RGL1: variants seen among roughly 807,000 people sequenced by gnomAD.
RGL1 encodes ral guanine nucleotide dissociation stimulator-like 1.
A neutral mutation model predicts 95.2 loss-of-function variants in RGL1; 24 were observed. That is an observed-to-expected ratio of 0.25 (90% CI 0.18 to 0.35). The LOEUF (loss-of-function observed/expected upper bound fraction) is 0.35, where lower values mean the gene tolerates loss of function less well. RGL1 is among the 10% of genes least tolerant of loss of function. The pLI, the probability that RGL1 is intolerant of heterozygous loss-of-function variation, is 1.00. For missense variants in RGL1, 715 were observed against 936.3 expected (o/e 0.76, Z 3.08); for synonymous variants, 329 against 344.9 (o/e 0.95, Z 0.51).
intron 1 of RGL1, among the ~76,000 whole-genome samples, chr1:183,719,623 A>G (rs1655866575): frequency 6.6e-6 from 1 of 152,180 alleles, no homozygotes; most frequent in Non-Finnish European, 1.5e-5. Context: ...AAAAAATTAA[A>G]GGCCAGGTGC....
At chr1:183,698,104 AT>A (rs1244865876) in intron 1 of RGL1, among the ~76,000 whole-genome samples, 1 of 151,958 alleles carries the variant, frequency 6.6e-6, no homozygotes, top group African/African-American at 2.4e-5. Context: ...AATTTTGTTT[AT>A]TTTTTTCAAC....
chr1:183,785,556 A>T (rs1374150245), intron 2 of RGL1, among the ~76,000 whole-genome samples: 4 of 152,126 alleles, frequency 2.6e-5, no homozygotes, highest in African/African-American at 7.2e-5. Context: ...TGAAAATAGG[A>T]ACTCTGTATT....
At chr1:183,673,529 T>C (rs1652616860) in intron 1 of RGL1, among the ~76,000 whole-genome samples, 1 of 152,230 alleles carries the variant, frequency 6.6e-6, no homozygotes, top group African/African-American at 2.4e-5. Context: ...ACTTCTTGAT[T>C]ACCAATATTA....
chr1:183,692,004 G>T (rs190404194), intron 1 of RGL1, among the ~76,000 whole-genome samples: 46 of 150,810 alleles, frequency 3.1e-4, no homozygotes, highest in African/African-American at 1.0e-3. Context: ...ATTGAATCTG[G>T]TAACATATAT....
chr1:183,818,360 T>A (rs987955250), intron 2 of RGL1, among the ~76,000 whole-genome samples: 4 of 152,222 alleles, frequency 2.6e-5, no homozygotes, highest in Admixed American at 6.5e-5. Flanking sequence ...AAGTTCACAT[T>A]TATGTGCAGC....
intron 3 of RGL1, among the ~76,000 whole-genome samples, chr1:183,851,858 T>G (rs1664843227): frequency 6.6e-6 from 1 of 152,216 alleles, no homozygotes. Flanking sequence ...CTTAAATTGG[T>G]TGTTGAGACT....
chr1:183,698,897 T>G (rs547035590), intron 1 of RGL1, among the ~76,000 whole-genome samples: 23 of 152,372 alleles, frequency 1.5e-4, no homozygotes, highest in African/African-American at 5.1e-4. Flanking sequence ...TTTAAATATC[T>G]CCCTCTGTTT....
chr1:183,670,679 A>G (rs142332219), intron 1 of RGL1, among the ~76,000 whole-genome samples: 1,583 of 152,296 alleles, frequency 0.01, 32 homozygotes, highest in African/African-American at 0.036. Flanking sequence ...GGTTTGTCCT[A>G]TAACTCTACT....
At chr1:183,784,821 C>T (rs1415674073) in intron 2 of RGL1, among the ~76,000 whole-genome samples, 4 of 152,198 alleles carry the variant, frequency 2.6e-5, no homozygotes, top group Admixed American at 6.5e-5. Context: ...GTAAAAGGAA[C>T]CAGAGTTAAG....
intron 1 of RGL1, among the ~76,000 whole-genome samples, chr1:183,661,136 C>A (rs866493718): frequency 0.013 from 1,946 of 152,092 alleles, 49 homozygotes; most frequent in African/African-American, 0.045. Context: ...CCTAACATCA[C>A]AATTAAAAGA....
intron 2 of RGL1, among the ~76,000 whole-genome samples, chr1:183,764,125 T>C (rs1476689289): frequency 6.6e-6 from 1 of 152,188 alleles, no homozygotes; most frequent in East Asian, 1.9e-4. Flanking sequence ...GGGTGTATTA[T>C]TACCACAACA....
chr1:183,686,671 C>A (rs545871017), intron 1 of RGL1, among the ~76,000 whole-genome samples: 8 of 152,226 alleles, frequency 5.3e-5, no homozygotes, highest in African/African-American at 1.9e-4. Flanking sequence ...TGACTAGCCA[C>A]GATTTAAATC....
intron 1 of RGL1, among the ~76,000 whole-genome samples, chr1:183,722,958 T>A (rs1360031826): frequency 6.6e-6 from 1 of 152,190 alleles, no homozygotes; most frequent in Non-Finnish European, 1.5e-5. Flanking sequence ...AACAGTAGAC[T>A]GCTTAAAACA....
intron 2 of RGL1, among the ~76,000 whole-genome samples, chr1:183,827,488 C>T (rs1662948667): frequency 6.6e-6 from 1 of 152,204 alleles, no homozygotes; most frequent in Non-Finnish European, 1.5e-5. Flanking sequence ...CGTCAGTGGC[C>T]TGTTTGTTAC....
intron 2 of RGL1, among the ~76,000 whole-genome samples, chr1:183,841,319 C>G (rs1024378974): frequency 6.6e-6 from 1 of 152,140 alleles, no homozygotes; most frequent in Non-Finnish European, 1.5e-5. Context: ...ATGGGACATA[C>G]TTATACCACA....
intron 3 of RGL1, among the ~76,000 whole-genome samples, chr1:183,852,809 AATC>A (rs75801657): frequency 0.13 from 20,134 of 152,056 alleles, 1,745 homozygotes; most frequent in Middle Eastern, 0.23. Flanking sequence ...TCTCAAAAAA[AATC>A]ATCTGTTCTC....
chr1:183,898,161 T>C (rs1045747581), intron 10 of RGL1, among the ~76,000 whole-genome samples: 3 of 151,752 alleles, frequency 2.0e-5, no homozygotes, highest in African/African-American at 7.3e-5. Context: ...TGAGGGGGAG[T>C]CTACAGCAGG....
intron 2 of RGL1, among the ~76,000 whole-genome samples, chr1:183,828,512 C>T (rs1663035183): frequency 6.6e-6 from 1 of 152,190 alleles, no homozygotes; most frequent in African/African-American, 2.4e-5. Context: ...TCTGGTGCTG[C>T]TCCTTCCGTG....
At chr1:183,751,860 T>G (rs1249760994) in intron 2 of RGL1, among the ~76,000 whole-genome samples, 1 of 152,110 alleles carries the variant, frequency 6.6e-6, no homozygotes, top group East Asian at 1.9e-4. Context: ...CTGCTTATGC[T>G]TGCTCTCCAT....
Sources: gnomAD v4.1 joint callset for allele counts (sites outside exome capture counted in the v4.1 genomes callset) on GRCh38, gnomAD v4.1.1 for gene constraint, MANE v1.5 for transcripts, NCBI Gene and HGNC (gene_info 2026-07-23, HGNC 2026-07-21) for gene names.